The following USP3 variants were observed in gnomAD, a reference collection of about 807,000 sequenced individuals.
USP3 encodes the protein ubiquitin specific peptidase 3.
A neutral mutation model predicts 72.3 loss-of-function variants in USP3; 20 were observed. The observed-to-expected ratio is 0.28, with a 90% confidence interval of 0.19 to 0.40. USP3 has a LOEUF of 0.40. USP3 is among the 10% of genes least tolerant of loss of function. USP3 has a pLI of 1.00. For synonymous variants in USP3, 222 were observed against 225.3 expected, an observed-to-expected ratio of 0.99 and a Z score of 0.13; for missense variants, 479 against 633.9, an observed-to-expected ratio of 0.76 and a Z score of 2.62.
At chr15:63,540,741 AAGC>A (rs1360329126) in intron 3 of USP3, among the ~76,000 whole-genome samples, 1 of 152,196 alleles carries the variant, frequency 6.6e-6, no homozygotes, top group Non-Finnish European at 1.5e-5. Context: ...TTAAGAGAGA[AAGC>A]AGTGCGAAAA....
rs980582465 is a variant in USP3, at chr15:63,532,707, G to A, written c.152G>A (p.Arg51Lys). Residue 51 changes from arginine to lysine, a missense_variant and splice_region_variant, in exon 2 of 15, where the codon AGG (arginine) becomes AAG (lysine). Transcript: ENST00000380324. ...ACTTGTTCAAGTGTCCACTGTGGAAGGTAGGTGACATACTTATTACTTCAC... is the reference window on the plus strand; with the variant it reads ...ACTTGTTCAAGTGTCCACTGTGGAAAGTAGGTGACATACTTATTACTTCAC... The part of the protein sequence containing the change: ...CLTCSSVHCG[R>K]YVNGHAKKHY... The A allele has an allele frequency of 6.2e-7, 1 of 1,613,860 alleles. No homozygotes were observed. The highest frequency in any genetic ancestry group is 1.3e-5 in the African/African-American group (1 of 74,998).
rs751273552 is a variant in USP3 at position 63,570,623 on chromosome 15, T to C, written c.908+44T>C. The C allele has an allele frequency of 1.9e-5, 30 of 1,566,554 alleles. No individual in the cohort carries two copies. The South Asian group carries it at 3.5e-4, about 18-fold the overall frequency. On this transcript the variant is annotated intron_variant, in intron 9 of 14. Transcript: ENST00000380324. This position sits in a 1 kb window ranked among gnomAD's most constrained non-coding sequence, Gnocchi z 4.4. ...CTGTTTTTTAGGAGGGCCTCAGACATTTCTTTTGGTGTTAATTATGTGTTA... is the reference window on the plus strand; with the variant it reads ...CTGTTTTTTAGGAGGGCCTCAGACACTTCTTTTGGTGTTAATTATGTGTTA...
At chr15:63,566,018 G>A (rs1393949962) in intron 8 of USP3, among the ~76,000 whole-genome samples, 1 of 152,124 alleles carries the variant, frequency 6.6e-6, no homozygotes, top group African/African-American at 2.4e-5. Flanking sequence ...GATTTGCCTT[G>A]TGGTCCCTAT....
chr15:63,531,505 G>A (rs2066075242), intron 1 of USP3, among the ~76,000 whole-genome samples: 1 of 152,112 alleles, frequency 6.6e-6, no homozygotes, highest in Non-Finnish European at 1.5e-5. Flanking sequence ...AACTATCTTT[G>A]GGAGGAGCTA....
chr15:63,569,255 T>C (rs1379709475), intron 8 of USP3, among the ~76,000 whole-genome samples: 2 of 152,224 alleles, frequency 1.3e-5, no homozygotes, highest in East Asian at 1.9e-4. Flanking sequence ...TGAATGCTTT[T>C]GGCTGAATTT....
intron 3 of USP3, among the ~76,000 whole-genome samples, chr15:63,537,383 C>T (rs1215407280): frequency 6.6e-6 from 1 of 152,112 alleles, no homozygotes; most frequent in African/African-American, 2.4e-5. Context: ...TCCCACCTCC[C>T]GTTCCTCATC....
intron 1 of USP3, chr15:63,527,731 A>C (rs993602708): frequency 6.6e-6 from 1 of 152,274 alleles, no homozygotes; most frequent in Non-Finnish European, 1.5e-5. Flanking sequence ...CTATAGGCAC[A>C]GAACTCCCTG....
chr15:63,570,313 C>A lies in USP3; in HGVS notation c.762-120C>A. ...GCTTTCGGGCATGAAGGTGAGGAAGCCTGGCTGTGCTTGTGAGCACGGGGC... is the reference window on the plus strand; with the variant it reads ...GCTTTCGGGCATGAAGGTGAGGAAGACTGGCTGTGCTTGTGAGCACGGGGC... On this transcript the variant is annotated intron_variant, in intron 8 of 14. Coordinates refer to ENST00000380324, the MANE Select transcript of USP3 (RefSeq NM_006537.4). This position sits in a 1 kb window ranked among gnomAD's most constrained non-coding sequence, Gnocchi z 4.4. The A allele has an allele frequency of 7.8e-7, 1 of 1,289,816 alleles. No individual in the cohort carries two copies. Among genetic ancestry groups the A allele is most frequent in the Non-Finnish European group, 1.1e-6 (1 of 938,994 alleles). 79.9% of individuals were successfully genotyped at this position (1,289,816 alleles called of 1,614,324 possible).
At chr15:63,539,111 CT>C (rs549764225) in intron 3 of USP3, among the ~76,000 whole-genome samples, 26 of 145,042 alleles carry the variant, frequency 1.8e-4, no homozygotes, top group African/African-American at 2.5e-4. Flanking sequence ...CTCAGGTTTT[CT>C]TTTTTTTTTT....
At position 63,550,222 on chromosome 15, in the gene USP3, G is replaced by A. The variant is rs1401624766; in HGVS notation, c.285-3493G>A. Among the ~76,000 whole-genome samples the A allele has an allele frequency of 2.0e-5, 3 of 152,204 alleles. No individual in the cohort carries two copies. The East Asian group carries it at 5.8e-4, about 29-fold the overall frequency. On this transcript the variant is annotated intron_variant, in intron 3 of 14. Transcript: ENST00000380324. ...TTTAGAAGAGAGAGGGTTTCACCAT[G>A]TTGGCCAGAATGGTCTTGATCTCTT...
At chr15:63,506,606 C>G (rs1269838038) in intron 1 of USP3, among the ~76,000 whole-genome samples, 3 of 152,172 alleles carry the variant, frequency 2.0e-5, no homozygotes, top group Non-Finnish European at 4.4e-5. Context: ...TCAGTCTTGC[C>G]TCTGTCAGTC....
intron 1 of USP3, among the ~76,000 whole-genome samples, chr15:63,519,344 T>C (rs1040000809): frequency 1.3e-5 from 2 of 152,030 alleles, no homozygotes; most frequent in African/African-American, 4.8e-5. Flanking sequence ...TTTTTTTTTT[T>C]CTATTCTAAC....
chr15:63,584,092 G>GTTTTTTTTTTTTTTTTTTTTTTTTTTT (rs61574200), intron 11 of USP3, among the ~76,000 whole-genome samples: 2 of 85,598 alleles, frequency 2.3e-5, no homozygotes, highest in Non-Finnish European at 2.2e-5. Context: ...CAACGGTTTT[G>GTTTTTTTTTTTTTTTTTTTTTTTTTTT]TTTTTTTTTT....
chr15:63,578,879 T>C (rs2066909909), intron 11 of USP3, among the ~76,000 whole-genome samples: 1 of 152,126 alleles, frequency 6.6e-6, no homozygotes, highest in African/African-American at 2.4e-5. Flanking sequence ...CCTAGAACAT[T>C]TCAGGATAAT....
intron 8 of USP3, among the ~76,000 whole-genome samples, chr15:63,566,675 A>T (rs911451533): frequency 2.0e-5 from 3 of 152,198 alleles, no homozygotes; most frequent in Admixed American, 6.5e-5. Flanking sequence ...TTGTGAAAAG[A>T]TTTTAAAATA....
intron 1 of USP3, among the ~76,000 whole-genome samples, chr15:63,530,269 G>T (rs1010047519): frequency 7.3e-6 from 1 of 136,302 alleles, no homozygotes. Flanking sequence ...CTCCCTCCCT[G>T]CCTCCCTCCC....
chr15:63,547,123 T>C (rs776514973), intron 3 of USP3, among the ~76,000 whole-genome samples: 1 of 152,188 alleles, frequency 6.6e-6, no homozygotes, highest in Non-Finnish European at 1.5e-5. Flanking sequence ...TGAGGCTAGT[T>C]ACACAGAGGA....
chr15:63,588,641 A>G lies in USP3; in HGVS notation c.1216-61A>G. On this transcript the variant is annotated intron_variant, in intron 12 of 14. Coordinates refer to ENST00000380324, the MANE Select transcript of USP3 (RefSeq NM_006537.4). This position sits in a 1 kb window ranked among gnomAD's most constrained non-coding sequence, Gnocchi z 4.6. ...TATTTACTGAACTGATAGTAGTATC[A>G]AACTTTGACTGAAAGGTAAATTAGG... is the stretch of plus-strand genomic sequence containing the variant. The G allele has an allele frequency of 3.1e-6, 4 of 1,310,766 alleles. No homozygotes were observed. Among genetic ancestry groups the G allele is most frequent in the Non-Finnish European group, 4.4e-6 (4 of 918,626 alleles). The allele number at this position is 1,310,766 out of a possible 1,614,324, so 81.2% of individuals were successfully genotyped here. A position where few individuals can be genotyped will look rare whatever the true frequency, so the allele number is the denominator to read the frequency against.
chr15:63,536,765 A>C (rs554096794), intron 2 of USP3, among the ~76,000 whole-genome samples: 1 of 152,088 alleles, frequency 6.6e-6, no homozygotes, highest in East Asian at 1.9e-4. Flanking sequence ...GAGGCAGGAG[A>C]ATGGTGTGAA....
Sources: allele counts gnomAD v4.1 joint callset (sites outside exome capture counted in the v4.1 genomes callset), GRCh38; gene constraint gnomAD v4.1.1; non-coding constraint Gnocchi (gnomAD v3.1); transcripts MANE v1.5; gene names NCBI Gene and HGNC (gene_info 2026-07-23, HGNC 2026-07-21).